DNAH5: variants seen among roughly 807,000 people sequenced by gnomAD.
DNAH5 encodes the protein dynein axonemal heavy chain 5, also known as axonemal beta dynein heavy chain 5.
DNAH5 carries 372 observed loss-of-function variants against 518.2 expected under a neutral mutation model. The ratio of observed to expected loss-of-function variants is 0.72; its 90% CI spans 0.66 to 0.78. DNAH5 has a LOEUF of 0.78. DNAH5 is among the 30% of genes least tolerant of loss of function. The pLI is 0.00. For synonymous variants in DNAH5, 2,039 were observed against 2,025.9 expected, an observed-to-expected ratio of 1.01 and a Z score of -0.17; for missense variants, 5,523 against 5,687.0, an observed-to-expected ratio of 0.97 and a Z score of 0.93.
intron 76 of DNAH5, among the ~76,000 whole-genome samples, chr5:13,702,180 C>G (rs1447150665): frequency 6.6e-6 from 1 of 152,080 alleles, no homozygotes; most frequent in Non-Finnish European, 1.5e-5. Flanking sequence ...TGTAAGGTAT[C>G]TTCAAATCAT....
At chr5:13,705,585 T>C (rs1398282178) in intron 76 of DNAH5, among the ~76,000 whole-genome samples, 1 of 152,196 alleles carries the variant, frequency 6.6e-6, no homozygotes, top group Non-Finnish European at 1.5e-5. Context: ...ATGACCTAGC[T>C]ACCTCTCCCA....
At chr5:13,909,972 T>C (rs949268144) in intron 12 of DNAH5, among the ~76,000 whole-genome samples, 3 of 152,314 alleles carry the variant, frequency 2.0e-5, no homozygotes, top group African/African-American at 7.2e-5. Flanking sequence ...ACCATCTATA[T>C]TCCACATATA....
At chr5:13,829,937 C>T in intron 37 of DNAH5, 89 bp downstream of exon 37, 3 of 1,339,350 alleles carry the variant, frequency 2.2e-6, no homozygotes, top group Non-Finnish European at 3.2e-6. Flanking sequence ...AATTTCCATT[C>T]AGGAAAACAG....
chr5:13,948,010 G>C (rs1780065167), upstream of DNAH5, among the ~76,000 whole-genome samples: 1 of 152,154 alleles, frequency 6.6e-6, no homozygotes, highest in Non-Finnish European at 1.5e-5. Context: ...GTCCTTACCA[G>C]AGCTTGTGCA....
At chr5:13,747,797 G>A (rs1196379831) in intron 65 of DNAH5, among the ~76,000 whole-genome samples, 1 of 152,122 alleles carries the variant, frequency 6.6e-6, no homozygotes, top group African/African-American at 2.4e-5. Context: ...TTTGTCAGAT[G>A]AGTAGATTGC....
At chr5:13,960,336 T>A (rs1781095406) in intron 1 of DNAH5, among the ~76,000 whole-genome samples, 1 of 152,208 alleles carries the variant, frequency 6.6e-6, no homozygotes. Flanking sequence ...CACTAGGCAC[T>A]GATGGGCTCA....
chr5:13,724,776 C>G (rs993786107), intron 70 of DNAH5, among the ~76,000 whole-genome samples: 1 of 152,190 alleles, frequency 6.6e-6, no homozygotes, highest in Non-Finnish European at 1.5e-5. Context: ...CTCCCCCACT[C>G]TCTTGCTCTG....
intron 1 of DNAH5, among the ~76,000 whole-genome samples, chr5:13,938,016 G>T (rs990153610): frequency 1.3e-5 from 2 of 152,056 alleles, no homozygotes; most frequent in African/African-American, 4.8e-5. Flanking sequence ...ATGTTAAATG[G>T]ATAATTCCAG....
chr5:13,896,308 T>C (rs940320155), intron 15 of DNAH5, among the ~76,000 whole-genome samples: 6 of 151,628 alleles, frequency 4.0e-5, no homozygotes, highest in Non-Finnish European at 8.8e-5. Flanking sequence ...ACTTCTCTGA[T>C]CTCATCTCCA....
At chr5:13,753,882 C>G (rs569242227) in intron 62 of DNAH5, among the ~76,000 whole-genome samples, 1 of 152,066 alleles carries the variant, frequency 6.6e-6, no homozygotes, top group Non-Finnish European at 1.5e-5. Flanking sequence ...TCAATATACC[C>G]ATGCACTCAC....
chr5:13,985,836 G>A (rs948690763), intron 1 of DNAH5, among the ~76,000 whole-genome samples: 6 of 152,246 alleles, frequency 3.9e-5, no homozygotes, highest in South Asian at 2.1e-4. Context: ...CCCCTGACCC[G>A]ACTCAGCTCC....
chr5:13,979,671 T>C, intron 1 of DNAH5, among the ~76,000 whole-genome samples: 1 of 152,206 alleles, frequency 6.6e-6, no homozygotes, highest in African/African-American at 2.4e-5. Flanking sequence ...CTCAGCTACA[T>C]GGAAACAGCT....
At position 13,777,216 on chromosome 5, in the gene DNAH5, A is replaced by G. The variant is rs371664196; in HGVS notation, c.9091T>C (p.Leu3031=). The G allele has an allele frequency of 1.2e-6, 2 of 1,612,688 alleles. No homozygotes were observed. The highest frequency in any genetic ancestry group is 2.7e-5 in the African/African-American group (2 of 74,876). ...ESFLEYMNNV[L]SSGEVSNLFA... ...TGAGCTCCTACCTCACCTGATGATA[A>G]AACATTGTTCATATATTCCAAAAAT... is the stretch of plus-strand genomic sequence containing the variant. Residue 3031 remains leucine, a synonymous_variant, in exon 54 of 79, where the codon TTA becomes CTA. Coordinates refer to ENST00000265104, the MANE Select transcript of DNAH5 (RefSeq NM_001369.3).
chr5:13,708,404 G>C, intron 75 of DNAH5, 69 bp from the exon 76 acceptor site: 1 of 1,517,848 alleles, frequency 6.6e-7, no homozygotes, highest in Non-Finnish European at 9.1e-7. Context: ...CTGGTGCCCT[G>C]GGGCCTCTGA....
chr5:13,973,021 G>A (rs1781987101), intron 1 of DNAH5, among the ~76,000 whole-genome samples: 1 of 152,190 alleles, frequency 6.6e-6, no homozygotes, highest in African/African-American at 2.4e-5. Flanking sequence ...CGTGACAACA[G>A]GGGCTTAGCA....
chr5:13,956,135 CT>C (rs1780747973), intron 1 of DNAH5, among the ~76,000 whole-genome samples: 1 of 152,198 alleles, frequency 6.6e-6, no homozygotes. Context: ...TGTCAAGAAT[CT>C]GTTCCCATGG....
intron 1 of DNAH5, among the ~76,000 whole-genome samples, chr5:13,982,375 T>C (rs1362043897): frequency 6.6e-6 from 1 of 152,250 alleles, no homozygotes; most frequent in Non-Finnish European, 1.5e-5. Flanking sequence ...TGAGTAGACA[T>C]ATGCACTATT....
rs11959251 is a variant in DNAH5 at position 13,797,070 on chromosome 5, A to C, written c.7888-3012T>G. ...TTAATTCAAGATGGATTAAAGACTTAAATGTTAGACCTGAAACTATAAAAA... is the reference window on the plus strand; with the variant it reads ...TTAATTCAAGATGGATTAAAGACTTCAATGTTAGACCTGAAACTATAAAAA... On this transcript the variant is annotated intron_variant, in intron 47 of 78. Transcript: ENST00000265104. 7.3e-3 allele frequency among the ~76,000 whole-genome samples: 1,113 copies of C among 152,362 alleles called. 14 individuals are homozygous for C. Among genetic ancestry groups the C allele is most frequent in the African/African-American group, 0.025 (1,054 of 41,582 alleles).
At chr5:13,950,791 C>T (rs1780329301) in intron 1 of DNAH5, among the ~76,000 whole-genome samples, 1 of 152,112 alleles carries the variant, frequency 6.6e-6, no homozygotes, top group Non-Finnish European at 1.5e-5. Flanking sequence ...TATCGCCTAG[C>T]TTGGTTATTG....
Sources: allele counts gnomAD v4.1 joint callset (sites outside exome capture counted in the v4.1 genomes callset), GRCh38; gene constraint gnomAD v4.1.1; transcripts MANE v1.5; gene names NCBI Gene and HGNC (gene_info 2026-07-23, HGNC 2026-07-21).